Variants in ZNF77 observed in about 807,000 individuals in gnomAD.
The protein encoded by ZNF77 is ZNFpT1.
ZNF77 carries 15 observed loss-of-function variants against 13.5 expected under a neutral mutation model. The observed-to-expected ratio is 1.11, with a 90% confidence interval of 0.74 to 1.71. The LOEUF is 1.71. ZNF77 is among the 40% of genes most tolerant of loss of function. The probability of loss-of-function intolerance (pLI) is 0.00; values close to 1 mark genes in which losing one functional copy is unlikely to be tolerated. For missense variants in ZNF77, 717 were observed against 676.4 expected (o/e 1.06, Z -0.67); for synonymous variants, 282 against 250.0 (o/e 1.13, Z -1.21).
chr19:2,942,042 A>G (rs1270365398), intron 1 of ZNF77, among the ~76,000 whole-genome samples: 2 of 124,080 alleles, frequency 1.6e-5, no homozygotes, highest in Non-Finnish European at 3.6e-5. Flanking sequence ...GCCCTCACTA[A>G]GGACAAGAAA....
At chr19:2,942,432 T>G (rs1347764149) in intron 1 of ZNF77, among the ~76,000 whole-genome samples, 1 of 132,654 alleles carries the variant, frequency 7.5e-6, no homozygotes, top group African/African-American at 2.9e-5. Context: ...TGGAGTGGAG[T>G]GGTACAGCCT....
chr19:2,934,132 G>A lies in ZNF77; in HGVS notation c.995C>T (p.Ala332Val), dbSNP rs200311160. 50 of 1,613,778 alleles carry A rather than the reference G, an allele frequency of 3.1e-5. No homozygotes were observed. The highest frequency in any genetic ancestry group is 3.7e-5 in the Non-Finnish European group (44 of 1,179,980). The change falls in exon 4 of 4, where the codon GCG becomes GTG. Residue 332 changes from alanine (A) to valine (V), a missense_variant. Transcript: ENST00000314531. ...TCGAAGAGACGAGTAACAAGTGAAC[G>A]CTTTTCCGCAATGTTTACACTGACA... is the stretch of plus-strand genomic sequence containing the variant. ...KPCQCKHCGK[A>V]FTCYSSLREH...
chr19:2,936,210 C>G (rs749331676), intron 3 of ZNF77, among the ~76,000 whole-genome samples: 14 of 151,462 alleles, frequency 9.2e-5, no homozygotes, highest in Non-Finnish European at 1.3e-4. Context: ...TGCAATGGTG[C>G]GATCTCAGCT....
At position 2,936,574 on chromosome 19, in the gene ZNF77, C is replaced by T. The variant is rs1327416736; in HGVS notation, c.261G>A (p.Trp87Ter). The change falls in exon 3 of 4, where the codon TGG (tryptophan) becomes TGA (stop). Residue 87 changes from tryptophan (W) to a stop codon, truncating the protein, a stop_gained. Coordinates refer to ENST00000314531, the MANE Select transcript of ZNF77 (RefSeq NM_021217.3). LOFTEE classifies it low-confidence loss of function (END_TRUNC). Reference protein sequence around the residue: ...SDSWSIFGENWRFDNTGDQHQ... With the variant: ...SDSWSIFGEN The stretch of plus-strand genomic sequence containing the variant: ...GCTGATCTCCAGTGTTATCAAATCT[C>T]CAATTTTCTCCAAAAATAGACCAGG... 3 of 1,611,490 alleles carry T rather than the reference C, an allele frequency of 1.9e-6. No individual in the cohort carries two copies. The African/African-American group carries it at 4.0e-5, about 22-fold the overall frequency.
In ZNF77 at chr19:2,944,671, C is replaced by T. The variant is rs558257390; in HGVS notation, c.3+167G>A. ...CTTTTGCTGTCACCCCAGACTGCCC[C>T]CAGCCCTACCCCTCGGCCGCTGTGA... On this transcript the variant is annotated intron_variant, in intron 1 of 3. Transcript: ENST00000314531. Among the ~76,000 whole-genome samples, 15 of 152,314 alleles carry T rather than the reference C, an allele frequency of 9.8e-5. 1 individual carries two copies. Among genetic ancestry groups the T allele is most frequent in the African/African-American group, 3.4e-4 (14 of 41,584 alleles).
chr19:2,944,849 C>G lies in ZNF77; in HGVS notation c.-9G>C. 6.6e-7 allele frequency: 1 copy of G among 1,526,106 alleles called. No homozygotes were observed. The highest frequency in any genetic ancestry group is 8.7e-7 in the Non-Finnish European group (1 of 1,142,960). The allele number at this position is 1,526,106 out of a possible 1,614,324, so 94.5% of individuals were successfully genotyped here. On this transcript the variant is annotated 5_prime_UTR_variant, in exon 1 of 4. Transcript: ENST00000314531. ...CGCCCGGCACTCACCATGTCCCGCC[C>G]GCTCCTGGGCTCTCCAGGGTTAGCG... is the stretch of plus-strand genomic sequence containing the variant.
intron 2 of ZNF77, among the ~76,000 whole-genome samples, chr19:2,937,404 G>A (rs555146593): frequency 6.6e-6 from 1 of 151,918 alleles, no homozygotes; most frequent in African/African-American, 2.4e-5. Context: ...AGAATCACTT[G>A]TACCTGGGAG....
chr19:2,937,472 G>C (rs1302317706), intron 2 of ZNF77, among the ~76,000 whole-genome samples: 2 of 151,398 alleles, frequency 1.3e-5, no homozygotes, highest in Non-Finnish European at 2.9e-5. Flanking sequence ...GCAATGGGCA[G>C]TAAGAGTGAA....
chr19:2,936,430 C>G, intron 3 of ZNF77, 94 bp downstream of exon 3: 4 of 1,375,448 alleles, frequency 2.9e-6, no homozygotes, highest in Non-Finnish European at 3.8e-6. Context: ...ATTACAGGCG[C>G]GAGCCCCTGT....
In ZNF77 at chr19:2,933,919, CTG is replaced by C. The variant is rs751448006; in HGVS notation, c.1206_1207del (p.His402GlnfsTer9). 6 of 1,613,112 alleles carry C rather than the reference CTG, an allele frequency of 3.7e-6. No homozygotes were observed. Among genetic ancestry groups the C allele is most frequent in the South Asian group, 3.3e-5 (3 of 91,010 alleles). On this transcript the variant is annotated frameshift_variant, in exon 4 of 4. Transcript: ENST00000314531. LOFTEE classifies it low-confidence loss of function (END_TRUNC). Reference sequence around the variant, plus strand: ...TTTACATTGATAGGGCTTCACCCCGCTGTGTGTTTTCACATGTCTTCTAAAGT... The same window carrying C: ...TTTACATTGATAGGGCTTCACCCCGCTGTGTTTTCACATGTCTTCTAAAGT...
chr19:2,942,121 G>A (rs1290041992), intron 1 of ZNF77, among the ~76,000 whole-genome samples: 2 of 151,566 alleles, frequency 1.3e-5, no homozygotes. Flanking sequence ...TCCCAGGCTG[G>A]AGTGCAGTGA....
rs74382080 is a variant in ZNF77 at position 2,938,723 on chromosome 19, A to G, written c.130+558T>C. ...TGTAATCCCAGCACTTTGGGAGGCC[A>G]AGGCGGGCGGATCACGAGGTCAGGA... On this transcript the variant is annotated intron_variant, in intron 2 of 3. Coordinates refer to ENST00000314531, the MANE Select transcript of ZNF77 (RefSeq NM_021217.3). Among the ~76,000 whole-genome samples, 386 of 152,234 alleles carry G rather than the reference A, an allele frequency of 2.5e-3. 1 individual carries two copies. The highest frequency in any genetic ancestry group is 4.5e-3 in the East Asian group (23 of 5,160).
intron 2 of ZNF77, among the ~76,000 whole-genome samples, chr19:2,937,001 A>G (rs1352385758): frequency 6.6e-6 from 1 of 151,988 alleles, no homozygotes; most frequent in Non-Finnish European, 1.5e-5. Flanking sequence ...ATAGGAAAAT[A>G]AGGAGACCTC....
rs548749299 is a variant in ZNF77, at chr19:2,935,006, A to T, written c.312-191T>A. The stretch of plus-strand genomic sequence containing the variant: ...AGCTGAAGGCTCAACTGCAGCCATA[A>T]ATTTCACGGTGTTTCTTTTCTTCTT... On this transcript the variant is annotated intron_variant, in intron 3 of 3. Transcript: ENST00000314531. Among the ~76,000 whole-genome samples the T allele has an allele frequency of 4.6e-5, 7 of 152,200 alleles. No homozygotes were observed. The South Asian group carries it at 1.5e-3, about 32-fold the overall frequency.
At chr19:2,943,234 T>C (rs10451468) in intron 1 of ZNF77, among the ~76,000 whole-genome samples, 98,305 of 147,622 alleles carry the variant, frequency 0.67, 33,394 homozygotes, top group East Asian at 0.83. Flanking sequence ...CAATAGAACC[T>C]CAAGCCTCTG....
Position 2,934,146 on chromosome 19 carries a change from T to C in ZNF77, c.981A>G (p.Lys327=). Residue 327 remains lysine, a synonymous_variant, in exon 4 of 4, where the codon AAA becomes AAG. Coordinates refer to ENST00000314531, the MANE Select transcript of ZNF77 (RefSeq NM_021217.3). The part of the protein sequence containing the change: ...THTGEKPCQC[K]HCGKAFTCYS... ...AACAAGTGAACGCTTTTCCGCAATG[T>C]TTACACTGACAGGGTTTCTCTCCAG... 1 of 1,609,836 alleles carries C rather than the reference T, an allele frequency of 6.2e-7. No homozygotes were observed. Among genetic ancestry groups the C allele is most frequent in the Non-Finnish European group, 8.5e-7 (1 of 1,178,448 alleles).
In ZNF77 at chr19:2,933,610, G is replaced by C. The variant is rs2088363535; in HGVS notation, c.1517C>G (p.Ser506Cys). Residue 506 changes from serine to cysteine, a missense_variant, in exon 4 of 4, where the codon TCC (serine) becomes TGC (cysteine). Ser to Cys is a moderately radical substitution (Grantham distance 112). Transcript: ENST00000314531. ...ECGKAYSCSS[S>C]LRVHVRTHTG... ...GTGCGTTCTCACGTGCACACGAAGG[G>C]ACGAGGAACAACTGTAGGCTTTCCC... 6.2e-7 allele frequency: 1 copy of C among 1,613,682 alleles called. No homozygotes were observed. The highest frequency in any genetic ancestry group is 1.7e-5 in the Admixed American group (1 of 59,928).
At position 2,933,469 on chromosome 19, in the gene ZNF77, G is replaced by A. The variant is rs1266465850; in HGVS notation, c.*20C>T. 3.3e-6 allele frequency: 5 copies of A among 1,530,776 alleles called. No homozygotes were observed. The highest frequency in any genetic ancestry group is 4.4e-6 in the Non-Finnish European group (5 of 1,137,844). The allele number at this position is 1,530,776 out of a possible 1,614,324, so 94.8% of individuals were successfully genotyped here. ...GGTTTTACGGTTGAACACTCTCCCA[G>A]GTCCACTGTATTCGTAGATTCACGC... On this transcript the variant is annotated 3_prime_UTR_variant, in exon 4 of 4. Coordinates refer to ENST00000314531, the MANE Select transcript of ZNF77 (RefSeq NM_021217.3).
chr19:2,935,468 C>T (rs1364908418), intron 3 of ZNF77, among the ~76,000 whole-genome samples: 3 of 151,268 alleles, frequency 2.0e-5, no homozygotes, highest in Non-Finnish European at 2.9e-5. Context: ...CAGGCGTGCA[C>T]CACTACACCT....
Sources: gnomAD v4.1 joint callset for allele counts (sites outside exome capture counted in the v4.1 genomes callset) on GRCh38, gnomAD v4.1.1 for gene constraint, MANE v1.5 for transcripts, NCBI Gene and HGNC (gene_info 2026-07-23, HGNC 2026-07-21) for gene names.